Variants in FAR1 observed in about 807,000 individuals in gnomAD.
The protein encoded by FAR1 is fatty acyl-CoA reductase 1.
In FAR1, 22 loss-of-function variants were observed where a neutral mutation model predicts 61.1. That is an observed-to-expected ratio of 0.36 (90% CI 0.26 to 0.51). The LOEUF (loss-of-function observed/expected upper bound fraction) is 0.51, where lower values mean the gene tolerates loss of function less well. FAR1 is among the 20% of genes least tolerant of loss of function. The pLI, the probability that FAR1 is intolerant of heterozygous loss-of-function variation, is 0.95. For missense variants in FAR1, 359 were observed against 626.9 expected, an observed-to-expected ratio of 0.57 and a Z score of 4.56; for synonymous variants, 206 against 209.7, an observed-to-expected ratio of 0.98 and a Z score of 0.15.
chr11:13,711,181 G>A, intron 5 of FAR1: 1 of 329,528 alleles, frequency 3.0e-6, no homozygotes, highest in Non-Finnish European at 5.5e-6. Context: ...CCTTCCAGGA[G>A]GTAGACCCCT....
chr11:13,708,294 G>A (rs1397711548), intron 4 of FAR1, among the ~76,000 whole-genome samples: 1 of 151,502 alleles, frequency 6.6e-6, no homozygotes, highest in Non-Finnish European at 1.5e-5. Flanking sequence ...AATCCCAGAG[G>A]TTGCAGTGAG....
chr11:13,717,708 A>G lies in FAR1; in HGVS notation c.1127+3028A>G, dbSNP rs114466483. Among the ~76,000 whole-genome samples the G allele has an allele frequency of 2.6e-3, 389 of 152,330 alleles. 2 individuals are homozygous for G. The highest frequency in any genetic ancestry group is 9.0e-3 in the African/African-American group (373 of 41,570). On this transcript the variant is annotated intron_variant, in intron 9 of 11. Coordinates refer to ENST00000354817, the MANE Select transcript of FAR1 (RefSeq NM_032228.6). Reference sequence around the variant, plus strand: ...GTAAATATTTTAGGTTTAGCAGGACATGCGGTTTTTGTTGAAGCTACTCAT... The same window carrying G: ...GTAAATATTTTAGGTTTAGCAGGACGTGCGGTTTTTGTTGAAGCTACTCAT...
intron 10 of FAR1, among the ~76,000 whole-genome samples, chr11:13,722,852 C>G (rs1294369168): frequency 1.4e-5 from 2 of 141,532 alleles, no homozygotes; most frequent in South Asian, 4.5e-4. Context: ...CCCTCTCTCT[C>G]TCTCTCTATA....
intron 1 of FAR1, among the ~76,000 whole-genome samples, chr11:13,680,808 G>A (rs182812781): frequency 1.6e-3 from 244 of 152,298 alleles, no homozygotes; most frequent in African/African-American, 5.5e-3. Flanking sequence ...ATTTCAACAT[G>A]AGACTTGGTG....
At chr11:13,718,930 C>T (rs984395202) in intron 9 of FAR1, among the ~76,000 whole-genome samples, 1 of 152,112 alleles carries the variant, frequency 6.6e-6, no homozygotes, top group Admixed American at 6.5e-5. Context: ...TTTGAGCTTC[C>T]TCGCAGTATG....
chr11:13,694,981 A>G, intron 2 of FAR1, 27 bp downstream of exon 2: 1 of 1,574,778 alleles, frequency 6.4e-7, no homozygotes. Flanking sequence ...AGCACTCAGA[A>G]CAAAGAAAAA....
chr11:13,674,323 AAG>A (rs1848042374), intron 1 of FAR1, among the ~76,000 whole-genome samples: 1 of 151,960 alleles, frequency 6.6e-6, no homozygotes, highest in African/African-American at 2.4e-5. Flanking sequence ...AAAAAAAAAA[AAG>A]AAAAAAAGAA....
chr11:13,702,144 ATG>A (rs1393350356), intron 3 of FAR1, among the ~76,000 whole-genome samples: 2 of 152,090 alleles, frequency 1.3e-5, no homozygotes, highest in Non-Finnish European at 2.9e-5. Flanking sequence ...TGCAGCCATT[ATG>A]TGTTAATGAT....
intron 1 of FAR1, among the ~76,000 whole-genome samples, chr11:13,687,949 T>G (rs1591258463): frequency 2.1e-5 from 1 of 47,860 alleles, no homozygotes; most frequent in African/African-American, 8.9e-5. Flanking sequence ...GGGACTGTTG[T>G]GGGGTGGGGG....
intron 1 of FAR1, among the ~76,000 whole-genome samples, chr11:13,671,855 A>G (rs1319123864): frequency 1.3e-5 from 2 of 152,234 alleles, no homozygotes; most frequent in East Asian, 1.9e-4. Flanking sequence ...AATATTGACA[A>G]GAAAATTCAA....
chr11:13,695,567 TAGTA>T (rs201574452), intron 2 of FAR1, among the ~76,000 whole-genome samples: 262 of 152,286 alleles, frequency 1.7e-3, no homozygotes, highest in Admixed American at 0.014. Flanking sequence ...TACTAATAAA[TAGTA>T]AGTTGAATCG....
In FAR1 at chr11:13,694,845, T is replaced by C. The variant is rs1397221320; in HGVS notation, c.80T>C (p.Leu27Pro). ...GATGFLGKVL[L>P]EKLLRSCPKV... ...ACCGGTTTTCTAGGGAAGGTGCTTC[T>C]GGAAAAGTTGCTGAGGTCTTGTCCT... The change falls in exon 2 of 12, where the codon CTG (leucine) becomes CCG (proline). Residue 27 changes from leucine to proline, a missense_variant. Physicochemically the swap from Leu to Pro is moderately conservative, Grantham distance 98. Coordinates refer to ENST00000354817, the MANE Select transcript of FAR1 (RefSeq NM_032228.6). 4 of 1,613,948 alleles carry C rather than the reference T, an allele frequency of 2.5e-6. No individual in the cohort carries two copies. Among genetic ancestry groups the C allele is most frequent in the African/African-American group, 1.3e-5 (1 of 74,906 alleles).
chr11:13,699,225 C>G (rs1848342786), intron 2 of FAR1, among the ~76,000 whole-genome samples: 1 of 152,180 alleles, frequency 6.6e-6, no homozygotes, highest in Admixed American at 6.5e-5. Flanking sequence ...TAACACTTAC[C>G]TGTTATTGCT....
chr11:13,676,719 G>T (rs1173946420), intron 1 of FAR1, among the ~76,000 whole-genome samples: 2 of 152,208 alleles, frequency 1.3e-5, no homozygotes, highest in African/African-American at 4.8e-5. Flanking sequence ...AGGAACAGGT[G>T]AATTAGCTGG....
intron 1 of FAR1, among the ~76,000 whole-genome samples, chr11:13,678,978 G>A (rs544922674): frequency 1.3e-5 from 2 of 152,146 alleles, no homozygotes; most frequent in Non-Finnish European, 2.9e-5. Flanking sequence ...AATCTTGGGC[G>A]AAGCGGTATG....
chr11:13,672,565 G>A (rs1848019677), intron 1 of FAR1, among the ~76,000 whole-genome samples: 2 of 150,720 alleles, frequency 1.3e-5, no homozygotes, highest in Non-Finnish European at 3.0e-5. Flanking sequence ...AAAAAAGTGA[G>A]CATTATTTTT....
intron 2 of FAR1, among the ~76,000 whole-genome samples, chr11:13,696,421 T>A (rs1848307011): frequency 6.6e-6 from 1 of 152,076 alleles, no homozygotes; most frequent in African/African-American, 2.4e-5. Context: ...ATATTTAAGC[T>A]GATGTGCTGG....
rs116680321 is a variant in FAR1, at chr11:13,710,466, A to G, written c.546-227A>G. Among the ~76,000 whole-genome samples, 952 of 152,002 alleles carry G rather than the reference A, an allele frequency of 6.3e-3. 9 individuals are homozygous for G. Among genetic ancestry groups the G allele is most frequent in the African/African-American group, 0.022 (907 of 41,508 alleles). ...TATCCACTGTATGATTTATGAAAGA[A>G]CTCTTAGTTTTCAGATCTTTTTGGA... On this transcript the variant is annotated intron_variant, in intron 4 of 11. Coordinates refer to ENST00000354817, the MANE Select transcript of FAR1 (RefSeq NM_032228.6).
chr11:13,708,757 C>T (rs918572284), intron 4 of FAR1, among the ~76,000 whole-genome samples: 1 of 151,972 alleles, frequency 6.6e-6, no homozygotes, highest in Non-Finnish European at 1.5e-5. Context: ...CCCTCACCAC[C>T]CCCCAGCCAT....
Sources: gnomAD v4.1 joint callset for allele counts (sites outside exome capture counted in the v4.1 genomes callset) on GRCh38, gnomAD v4.1.1 for gene constraint, MANE v1.5 for transcripts, NCBI Gene and HGNC (gene_info 2026-07-23, HGNC 2026-07-21) for gene names.